The following KANSL3 variants were observed in gnomAD, a reference collection of about 807,000 sequenced individuals.
KANSL3 encodes the protein NSL complex protein NSL3.
KANSL3 carries 16 observed loss-of-function variants against 89.2 expected under a neutral mutation model. The observed-to-expected ratio is 0.18, with a 90% CI of 0.12 to 0.27. The LOEUF is 0.27. Among genes scored for constraint, KANSL3 ranks in the 10% least tolerant of loss-of-function variants. The pLI, the probability that KANSL3 is intolerant of heterozygous loss-of-function variation, is 1.00. For missense variants in KANSL3, 879 were observed against 1,110.6 expected, an observed-to-expected ratio of 0.79 and a Z score of 2.96; for synonymous variants, 385 against 419.7, an observed-to-expected ratio of 0.92 and a Z score of 1.01.
At chr2:96,619,325 C>T (rs72941209) in intron 5 of KANSL3, 34 bp downstream of exon 5, 50,488 of 1,580,140 alleles carry the variant, frequency 0.032, 2,191 homozygotes, top group African/African-American at 0.18. Flanking sequence ...GATGGCTATC[C>T]CTAGGACAGG....
Position 96,612,894 on chromosome 2 carries a change from G to A in KANSL3, c.836C>T (p.Ser279Phe). 1 of 1,570,086 alleles carries A rather than the reference G, an allele frequency of 6.4e-7. No individual in the cohort carries two copies. Among genetic ancestry groups the A allele is most frequent in the East Asian group, 2.3e-5 (1 of 42,608 alleles). Reference protein sequence around the residue: ...PGSPLILIASSGPSSSVFPTS... With the variant: ...PGSPLILIASFGPSSSVFPTS... ...GGGAAACACAGAGCTGGAGGGACCAGAGGAGGCGATGAGAATCAGCGGAGA... is the reference window on the plus strand; with the variant it reads ...GGGAAACACAGAGCTGGAGGGACCAAAGGAGGCGATGAGAATCAGCGGAGA... The change falls in exon 7 of 21, where the codon TCT becomes TTT. Residue 279 changes from serine (S) to phenylalanine (F), a missense_variant. This residue lies in a region of KANSL3 where 198 missense variants were observed against 260.3 expected (regional missense o/e 0.76). Coordinates refer to ENST00000431828, the MANE Select transcript of KANSL3 (RefSeq NM_001115016.3).
chr2:96,597,225 A>T (rs1267236512), intron 20 of KANSL3, among the ~76,000 whole-genome samples: 1 of 152,236 alleles, frequency 6.6e-6, no homozygotes, highest in Non-Finnish European at 1.5e-5. Flanking sequence ...CTATCCAGTC[A>T]GTGTTAAAAT....
chr2:96,591,981 G>A (rs998578546), downstream of KANSL3, among the ~76,000 whole-genome samples: 8 of 152,154 alleles, frequency 5.3e-5, no homozygotes, highest in African/African-American at 1.4e-4. Flanking sequence ...ACCAAAATGT[G>A]TGCTTGAAAA....
intron 2 of KANSL3, among the ~76,000 whole-genome samples, chr2:96,634,597 CA>C (rs2073989115): frequency 6.6e-6 from 1 of 152,124 alleles, no homozygotes; most frequent in East Asian, 1.9e-4. Flanking sequence ...CCAACTTTGT[CA>C]CCCCAAATAC....
At chr2:96,635,993 C>CAA (rs112029647) in intron 2 of KANSL3, among the ~76,000 whole-genome samples, 5 of 131,562 alleles carry the variant, frequency 3.8e-5, no homozygotes, top group African/African-American at 2.9e-5. Flanking sequence ...GACTCCATCT[C>CAA]AAAAAAAAAA....
rs1177226565 is a variant in KANSL3, at chr2:96,610,909, C to T, written c.1162-26G>A. 8 of 1,608,614 alleles carry T rather than the reference C, an allele frequency of 5.0e-6. No individual in the cohort carries two copies. The African/African-American group carries it at 6.7e-5, about 13-fold the overall frequency. ...CTAAAACAGGTATAGGTTTTAGAAT[C>T]GGCTTCTTCATATTCACAAAGCACT... On this transcript the variant is annotated intron_variant, in intron 10 of 20. Coordinates refer to ENST00000431828, the MANE Select transcript of KANSL3 (RefSeq NM_001115016.3).
the KANSL3 span, among the ~76,000 whole-genome samples, chr2:96,586,641 G>A: frequency 6.6e-6 from 1 of 152,148 alleles, no homozygotes; most frequent in Non-Finnish European, 1.5e-5. Context: ...AAAATTGAGA[G>A]ACAGGGTCTT....
chr2:96,618,835 A>T (rs2070710659), intron 5 of KANSL3, among the ~76,000 whole-genome samples: 1 of 152,234 alleles, frequency 6.6e-6, no homozygotes, highest in African/African-American at 2.4e-5. Context: ...CAAGAAAAAC[A>T]GTTTAACTTT....
the KANSL3 span, among the ~76,000 whole-genome samples, chr2:96,580,672 A>T: frequency 2.6e-5 from 4 of 152,296 alleles, no homozygotes; most frequent in African/African-American, 9.6e-5. Context: ...TATAGTTTCT[A>T]TTGGTGCACT....
rs757203644 is a variant in KANSL3 at position 96,619,492 on chromosome 2, C to T, written c.530G>A (p.Arg177Lys). 6.2e-7 allele frequency: 1 copy of T among 1,614,068 alleles called. No individual in the cohort carries two copies. Among genetic ancestry groups the T allele is most frequent in the Non-Finnish European group, 8.5e-7 (1 of 1,179,904 alleles). ...RRVAVDKCAR[R>K]VRQALASVSW... is the part of the protein sequence containing the mutation. ...CACACTTGCCAGAGCCTGCCGCACT[C>T]TCCTTGCACACTTGTCCACAGCAAC... Residue 177 changes from arginine to lysine, a missense_variant, in exon 5 of 21, where the codon AGA becomes AAA. Physicochemically the swap from Arg to Lys is conservative, Grantham distance 26. Around this residue, in one of 6 missense-constraint regions of KANSL3, gnomAD observed 210 missense variants for 311.9 expected, o/e 0.67. Transcript: ENST00000431828.
At chr2:96,634,734 C>G (rs1203172008) in intron 2 of KANSL3, among the ~76,000 whole-genome samples, 1 of 152,200 alleles carries the variant, frequency 6.6e-6, no homozygotes, top group African/African-American at 2.4e-5. Context: ...GAAATGAAAT[C>G]ATGTGCAGCT....
intron 3 of KANSL3, chr2:96,628,534 C>A (rs958356222): frequency 1.2e-5 from 2 of 167,004 alleles, no homozygotes; most frequent in Admixed American, 1.1e-4. Context: ...GTAGTCCCAG[C>A]TACTTGGGAG....
At chr2:96,605,764 C>A in intron 14 of KANSL3, 1 of 283,662 alleles carries the variant, frequency 3.5e-6, no homozygotes, top group Non-Finnish European at 6.7e-6. Flanking sequence ...GCACTGGAAT[C>A]GGAAGAGAAG....
downstream of KANSL3, among the ~76,000 whole-genome samples, chr2:96,591,012 C>CAA (rs1558632583): frequency 1.3e-5 from 2 of 152,020 alleles, no homozygotes. Flanking sequence ...CAAAACAAAA[C>CAA]AAAACAAAAC....
intron 3 of KANSL3, among the ~76,000 whole-genome samples, chr2:96,621,003 AAAAAAT>A (rs1356423580): frequency 6.6e-6 from 1 of 152,116 alleles, no homozygotes. Flanking sequence ...CTTGTCTCAA[AAAAAAT>A]AAAAATAAAA....
chr2:96,591,232 C>G (rs1282033746), downstream of KANSL3, among the ~76,000 whole-genome samples: 1 of 152,084 alleles, frequency 6.6e-6, no homozygotes, highest in Non-Finnish European at 1.5e-5. Flanking sequence ...TGAATGAAAA[C>G]AAGACAATCT....
At chr2:96,581,720 C>G in the KANSL3 span, among the ~76,000 whole-genome samples, 1 of 152,164 alleles carries the variant, frequency 6.6e-6, no homozygotes, top group South Asian at 2.1e-4. Flanking sequence ...TCTACTTCAT[C>G]TGGACTTGTG....
At chr2:96,612,078 TA>T (rs968532996) in intron 9 of KANSL3, among the ~76,000 whole-genome samples, 16 of 152,144 alleles carry the variant, frequency 1.1e-4, no homozygotes, top group African/African-American at 3.9e-4. Context: ...TTTATTATAC[TA>T]CACCTGCTTT....
chr2:96,581,734 G>A, the KANSL3 span, among the ~76,000 whole-genome samples: 1 of 152,104 alleles, frequency 6.6e-6, no homozygotes, highest in Non-Finnish European at 1.5e-5. Context: ...ACTTGTGTCT[G>A]AGTACTTCTA....
Sources: gnomAD v4.1 joint callset for allele counts (sites outside exome capture counted in the v4.1 genomes callset) on GRCh38, gnomAD v4.1.1 for gene constraint, gnomAD v4.1.1 regional missense constraint, MANE v1.5 for transcripts, NCBI Gene and HGNC (gene_info 2026-07-23, HGNC 2026-07-21) for gene names.